Variants in DLG2 observed in about 807,000 individuals in gnomAD.
DLG2 encodes the protein disks large homolog 2.
A neutral mutation model predicts 132.5 loss-of-function variants in DLG2; 45 were observed. That is an observed-to-expected ratio of 0.34 (90% confidence interval 0.27 to 0.44). The LOEUF (loss-of-function observed/expected upper bound fraction) is 0.44, where lower values mean the gene tolerates loss of function less well. Among genes scored for constraint, DLG2 ranks in the 20% least tolerant of loss-of-function variants. The pLI, the probability that DLG2 is intolerant of heterozygous loss-of-function variation, is 1.00. For missense variants in DLG2, 1,045 were observed against 1,196.9 expected, an observed-to-expected ratio of 0.87 and a Z score of 1.87; for synonymous variants, 424 against 419.6, an observed-to-expected ratio of 1.01 and a Z score of -0.13.
At chr11:84,229,305 C>T (rs1360090043) in intron 8 of DLG2, among the ~76,000 whole-genome samples, 1 of 152,160 alleles carries the variant, frequency 6.6e-6, no homozygotes, top group African/African-American at 2.4e-5. Flanking sequence ...ATCTAACCTC[C>T]TGCTTCCAAA....
At chr11:84,327,698 C>T (rs1220062199) in intron 7 of DLG2, among the ~76,000 whole-genome samples, 1 of 152,190 alleles carries the variant, frequency 6.6e-6, no homozygotes, top group East Asian at 1.9e-4. Context: ...AAATACTCTA[C>T]TCTTTTACTC....
intron 7 of DLG2, among the ~76,000 whole-genome samples, chr11:84,450,599 A>C (rs2099048899): frequency 6.6e-6 from 1 of 151,664 alleles, no homozygotes; most frequent in Non-Finnish European, 1.5e-5. Flanking sequence ...GGTAGAAATA[A>C]TGGGGGCCTT....
At chr11:85,512,345 T>C (rs1043574468) in intron 3 of DLG2, among the ~76,000 whole-genome samples, 1 of 152,164 alleles carries the variant, frequency 6.6e-6, no homozygotes, top group African/African-American at 2.4e-5. Flanking sequence ...GAAGTGACTA[T>C]GCTGAAGTTA....
intron 6 of DLG2, among the ~76,000 whole-genome samples, chr11:84,964,754 T>A (rs894998647): frequency 6.6e-6 from 1 of 152,100 alleles, no homozygotes; most frequent in Admixed American, 6.6e-5. Flanking sequence ...ATTGCAGATG[T>A]GAAAACAGAG....
intron 15 of DLG2, among the ~76,000 whole-genome samples, chr11:83,900,979 G>C (rs180695256): frequency 6.6e-6 from 1 of 152,310 alleles, no homozygotes; most frequent in Admixed American, 6.5e-5. Flanking sequence ...CCCACCTCTT[G>C]CATCAGCATG....
At chr11:85,423,332 G>A (rs1349045248) in intron 3 of DLG2, among the ~76,000 whole-genome samples, 1 of 152,208 alleles carries the variant, frequency 6.6e-6, no homozygotes, top group Non-Finnish European at 1.5e-5. Context: ...CAGTGGAGGT[G>A]GCAGGTGGAT....
intron 5 of DLG2, among the ~76,000 whole-genome samples, chr11:85,129,831 A>G (rs2075520832): frequency 6.6e-6 from 1 of 152,220 alleles, no homozygotes; most frequent in Non-Finnish European, 1.5e-5. Flanking sequence ...GATCAAATGG[A>G]TAAAGAAAAT....
At chr11:85,239,918 G>C (rs2075793350) in intron 4 of DLG2, among the ~76,000 whole-genome samples, 1 of 151,878 alleles carries the variant, frequency 6.6e-6, no homozygotes, top group African/African-American at 2.4e-5. Flanking sequence ...TATATACCTA[G>C]GACTAGAAAT....
At chr11:85,385,370 T>A (rs561458082) in intron 3 of DLG2, among the ~76,000 whole-genome samples, 1 of 152,098 alleles carries the variant, frequency 6.6e-6, no homozygotes, top group Admixed American at 6.5e-5. Context: ...CAGCTATAGG[T>A]TTTTTGTTTG....
chr11:85,013,602 TA>T (rs1332616660), intron 6 of DLG2, among the ~76,000 whole-genome samples: 1 of 152,160 alleles, frequency 6.6e-6, no homozygotes, highest in Non-Finnish European at 1.5e-5. Context: ...GCAATTGTTC[TA>T]AATAATAAAT....
At chr11:84,292,249 G>C (rs909330685) in intron 7 of DLG2, among the ~76,000 whole-genome samples, 1 of 152,108 alleles carries the variant, frequency 6.6e-6, no homozygotes, top group African/African-American at 2.4e-5. Context: ...CGACATATGT[G>C]GTAAGTTATT....
At chr11:84,523,931 T>A (rs571620972) in intron 7 of DLG2, among the ~76,000 whole-genome samples, 2 of 152,166 alleles carry the variant, frequency 1.3e-5, no homozygotes, top group African/African-American at 4.8e-5. Flanking sequence ...TAATACTATG[T>A]ACATAAAAGA....
rs539104865 is a variant in DLG2, at chr11:84,472,814, C to T, written c.519+61756G>A. 8.0e-4 allele frequency among the ~76,000 whole-genome samples: 122 copies of T among 152,024 alleles called. 1 individual carries two copies. Among genetic ancestry groups the T allele is most frequent in the African/African-American group, 2.6e-3 (109 of 41,534 alleles). The stretch of plus-strand genomic sequence containing the variant: ...TGATAAATATTTATAGATATATATA[C>T]TTCTGATAAATATTTATCCTCAAAT... On this transcript the variant is annotated intron_variant, in intron 7 of 27. Coordinates refer to ENST00000376104, the MANE Select transcript of DLG2 (RefSeq NM_001142699.3).
chr11:84,413,160 T>C (rs534037898), intron 7 of DLG2, among the ~76,000 whole-genome samples: 148 of 152,172 alleles, frequency 9.7e-4, no homozygotes, highest in Non-Finnish European at 1.8e-3. Context: ...TGCTGTCAGA[T>C]GTCTCAGCCT....
intron 22 of DLG2, chr11:83,480,777 A>T: frequency 1.5e-6 from 1 of 662,440 alleles, no homozygotes; most frequent in Non-Finnish European, 2.5e-6. Flanking sequence ...TGTTTTCTTG[A>T]CTATAAATTC....
Position 84,909,492 on chromosome 11 carries a change from A to G in DLG2, c.357+202169T>C, listed in dbSNP as rs578250824. 8.1e-4 allele frequency among the ~76,000 whole-genome samples: 123 copies of G among 152,308 alleles called. 1 individual carries two copies. Among genetic ancestry groups the G allele is most frequent in the Middle Eastern group, 3.4e-3 (1 of 294 alleles). ...TAGTGGGGGCAGTAACCCTCACCTG[A>G]CAGGTTTTAATCATGATTAAAATAA... On this transcript the variant is annotated intron_variant, in intron 6 of 27. Coordinates refer to ENST00000376104, the MANE Select transcript of DLG2 (RefSeq NM_001142699.3).
intron 4 of DLG2, among the ~76,000 whole-genome samples, chr11:85,233,990 T>C (rs1037978643): frequency 2.6e-5 from 4 of 151,882 alleles, no homozygotes; most frequent in African/African-American, 9.7e-5. Context: ...GAAATAGGAT[T>C]GCAAAGTTTT....
At chr11:83,998,356 T>C (rs1592711968) in intron 11 of DLG2, among the ~76,000 whole-genome samples, 1 of 152,306 alleles carries the variant, frequency 6.6e-6, no homozygotes, top group East Asian at 1.9e-4. Flanking sequence ...CTAGAGGAGT[T>C]TTGTACTTGT....
At chr11:84,196,304 T>C (rs930671780) in intron 8 of DLG2, among the ~76,000 whole-genome samples, 16 of 152,112 alleles carry the variant, frequency 1.1e-4, no homozygotes, top group African/African-American at 3.6e-4. Flanking sequence ...TCACAGGAAC[T>C]CAACAGACAG....
Sources: allele counts gnomAD v4.1 joint callset (sites outside exome capture counted in the v4.1 genomes callset), GRCh38; gene constraint gnomAD v4.1.1; transcripts MANE v1.5; gene names NCBI Gene and HGNC (gene_info 2026-07-23, HGNC 2026-07-21).